Variants in MBOAT2 observed in about 807,000 individuals in gnomAD.
MBOAT2 encodes membrane-bound glycerophospholipid O-acyltransferase 2.
Under a neutral mutation model 63.4 loss-of-function variants are expected in MBOAT2, and 28 were observed. That is an observed-to-expected ratio of 0.44 (90% CI 0.33 to 0.61). The LOEUF is 0.61. MBOAT2 is among the 20% of genes least tolerant of loss of function. MBOAT2 has a pLI of 0.03. For synonymous variants in MBOAT2, 211 were observed against 215.6 expected, an observed-to-expected ratio of 0.98 and a Z score of 0.19; for missense variants, 470 against 605.8, an observed-to-expected ratio of 0.78 and a Z score of 2.35.
intron 1 of MBOAT2, among the ~76,000 whole-genome samples, chr2:8,990,917 C>T (rs1671882598): frequency 1.3e-5 from 2 of 152,154 alleles, no homozygotes; most frequent in African/African-American, 4.8e-5. Context: ...TAAGCTTATA[C>T]TAAGGACCCC....
chr2:8,944,648 GACACACACACAC>G (rs61107364), intron 2 of MBOAT2, among the ~76,000 whole-genome samples: 11 of 140,216 alleles, frequency 7.8e-5, no homozygotes, highest in Middle Eastern at 3.6e-3. Flanking sequence ...CTGTTTGACT[GACACACACACAC>G]ACACACACAC....
intron 4 of MBOAT2, among the ~76,000 whole-genome samples, chr2:8,901,854 G>A (rs1664955637): frequency 6.6e-6 from 1 of 152,176 alleles, no homozygotes; most frequent in South Asian, 2.1e-4. Flanking sequence ...GACAGGGAGT[G>A]GTTTTTAGAA....
chr2:8,915,858 G>A (rs541290004), intron 3 of MBOAT2, among the ~76,000 whole-genome samples: 1 of 152,292 alleles, frequency 6.6e-6, no homozygotes, highest in South Asian at 2.1e-4. Context: ...ACCTTAGAAA[G>A]TGACTATCCT....
At chr2:8,870,418 G>A (rs1662226978) in intron 8 of MBOAT2, among the ~76,000 whole-genome samples, 1 of 152,118 alleles carries the variant, frequency 6.6e-6, no homozygotes, top group Non-Finnish European at 1.5e-5. Context: ...ATATGATCCA[G>A]AATACATTCA....
intron 3 of MBOAT2, among the ~76,000 whole-genome samples, chr2:8,910,058 T>C (rs1396491450): frequency 1.3e-5 from 2 of 152,188 alleles, no homozygotes; most frequent in African/African-American, 2.4e-5. Context: ...ATAATTAACC[T>C]GGGAGTTTCT....
At chr2:8,928,586 A>G (rs2103195022) in intron 3 of MBOAT2, among the ~76,000 whole-genome samples, 1 of 152,314 alleles carries the variant, frequency 6.6e-6, no homozygotes, top group African/African-American at 2.4e-5. Flanking sequence ...ATACCATATT[A>G]CGAATTAAAA....
At position 8,919,002 on chromosome 2, in the gene MBOAT2, A is replaced by G. The variant is rs550855108; in HGVS notation, c.300-10286T>C. On this transcript the variant is annotated intron_variant, in intron 3 of 12. Transcript: ENST00000305997. Reference sequence around the variant, plus strand: ...GGGAGTCTCATGTAAATAAAATAAAACAATATGTAGTCTTTTGTATCTGGC... The same window carrying G: ...GGGAGTCTCATGTAAATAAAATAAAGCAATATGTAGTCTTTTGTATCTGGC... 1.3e-3 allele frequency among the ~76,000 whole-genome samples: 200 copies of G among 152,306 alleles called. 1 individual carries two copies. The highest frequency in any genetic ancestry group is 4.5e-3 in the African/African-American group (186 of 41,574).
intron 6 of MBOAT2, among the ~76,000 whole-genome samples, chr2:8,879,404 A>G (rs887942229): frequency 2.2e-4 from 33 of 152,252 alleles, no homozygotes; most frequent in African/African-American, 7.5e-4. Flanking sequence ...CTCAACTGTC[A>G]TATCAAACAA....
intron 1 of MBOAT2, among the ~76,000 whole-genome samples, chr2:8,968,011 A>G (rs185780586): frequency 2.0e-5 from 3 of 152,128 alleles, no homozygotes; most frequent in East Asian, 3.9e-4. Context: ...TGCATTTCCA[A>G]CTGAGCTCTG....
chr2:8,973,795 G>A (rs904251450), intron 1 of MBOAT2, among the ~76,000 whole-genome samples: 1 of 152,162 alleles, frequency 6.6e-6, no homozygotes, highest in African/African-American at 2.4e-5. Flanking sequence ...CTATCAGATA[G>A]ACTTCAGCAG....
At chr2:8,994,020 G>A (rs564092591) in intron 1 of MBOAT2, among the ~76,000 whole-genome samples, 1 of 152,282 alleles carries the variant, frequency 6.6e-6, no homozygotes, top group South Asian at 2.1e-4. Flanking sequence ...TATAGATGAG[G>A]AAACTGAAGC....
At chr2:8,978,072 C>A (rs1391489769) in intron 1 of MBOAT2, among the ~76,000 whole-genome samples, 1 of 152,124 alleles carries the variant, frequency 6.6e-6, no homozygotes, top group Non-Finnish European at 1.5e-5. Flanking sequence ...CACCAATACC[C>A]AGACCCTAAA....
chr2:8,970,975 C>A (rs1670405152), intron 1 of MBOAT2, among the ~76,000 whole-genome samples: 1 of 152,080 alleles, frequency 6.6e-6, no homozygotes, highest in South Asian at 2.1e-4. Context: ...GAAACTATTC[C>A]AATCAATAGA....
At position 8,877,130 on chromosome 2, in the gene MBOAT2, T is replaced by C; in HGVS notation, c.590A>G (p.Asp197Gly). ...ILAGPLCSYK[D>G]YITFIEGRSY... ...TCTGCCTTCAATGAAAGTAATGTAG[T>C]CTTTGTAAGAGCAAAGTGGGCCTGC... Residue 197 changes from aspartate (D) to glycine (G), a missense_variant, in exon 7 of 13, where the codon GAC becomes GGC. Transcript: ENST00000305997. 6.2e-7 allele frequency: 1 copy of C among 1,614,182 alleles called. No homozygotes were observed. Among genetic ancestry groups the C allele is most frequent in the Non-Finnish European group, 8.5e-7 (1 of 1,180,000 alleles).
At chr2:8,975,814 AC>A (rs1164434072) in intron 1 of MBOAT2, among the ~76,000 whole-genome samples, 25 of 151,652 alleles carry the variant, frequency 1.6e-4, no homozygotes, top group South Asian at 4.2e-4. Flanking sequence ...AAAAAAAAAA[AC>A]GATGGCCACT....
chr2:8,907,129 C>T (rs939900158), intron 4 of MBOAT2, among the ~76,000 whole-genome samples: 17 of 152,208 alleles, frequency 1.1e-4, no homozygotes, highest in Non-Finnish European at 2.2e-4. Flanking sequence ...CTATTTTCTA[C>T]TATTAATAAA....
chr2:8,989,869 C>A (rs563264903), intron 1 of MBOAT2, among the ~76,000 whole-genome samples: 121 of 152,320 alleles, frequency 7.9e-4, no homozygotes, highest in African/African-American at 2.2e-3. Flanking sequence ...TTATTTCACA[C>A]AAGCAGTTTG....
rs1164869594 is a variant in MBOAT2 at position 8,862,351 on chromosome 2, T to C, written c.1185+239A>G. 2 of 1,439,552 alleles carry C rather than the reference T, an allele frequency of 1.4e-6. No homozygotes were observed. The highest frequency in any genetic ancestry group is 3.0e-5 in the East Asian group (1 of 33,070). The allele number at this position is 1,439,552 out of a possible 1,614,324, so 89.2% of individuals were successfully genotyped here. Reference sequence around the variant, plus strand: ...TAAAGACAAAGTAACATTTTGTGAGTGCCTCCTACCTGCCGGGCACATAGA... The same window carrying C: ...TAAAGACAAAGTAACATTTTGTGAGCGCCTCCTACCTGCCGGGCACATAGA... On this transcript the variant is annotated intron_variant, in intron 11 of 12. Transcript: ENST00000305997. This position sits in a 1 kb window ranked among gnomAD's most constrained non-coding sequence, Gnocchi z 4.3.
Position 8,985,084 on chromosome 2 carries a change from GAA to G in MBOAT2, c.75+18454_75+18455del, listed in dbSNP as rs150241501. On this transcript the variant is annotated intron_variant, in intron 1 of 12. Coordinates refer to ENST00000305997, the MANE Select transcript of MBOAT2 (RefSeq NM_138799.4). ...AATATATGCATATAGTTCCTCAGGG[GAA>G]AAAAAAAACTAAAATGTCTAGTTCC... 3.7e-3 allele frequency among the ~76,000 whole-genome samples: 542 copies of G among 148,402 alleles called. 8 individuals are homozygous for G. Among genetic ancestry groups the G allele is most frequent in the South Asian group, 0.021 (97 of 4,676 alleles).
Sources: gnomAD v4.1 joint callset for allele counts (sites outside exome capture counted in the v4.1 genomes callset) on GRCh38, gnomAD v4.1.1 for gene constraint, Gnocchi (gnomAD v3.1) non-coding constraint, MANE v1.5 for transcripts, NCBI Gene and HGNC (gene_info 2026-07-23, HGNC 2026-07-21) for gene names.